ZFYVE16: variants seen among roughly 807,000 people sequenced by gnomAD.
ZFYVE16 encodes the protein zinc finger FYVE-type containing 16.
Under a neutral mutation model 138.1 loss-of-function variants are expected in ZFYVE16, and 89 were observed. The observed-to-expected ratio is 0.64, with a 90% CI of 0.54 to 0.77. ZFYVE16 has a LOEUF of 0.77. Ranked by LOEUF, ZFYVE16 falls within the 30% of genes least tolerant of loss-of-function variation. The pLI is 0.00. For missense variants in ZFYVE16, 1,793 were observed against 1,786.7 expected, an observed-to-expected ratio of 1.00 and a Z score of -0.06; for synonymous variants, 596 against 618.3, an observed-to-expected ratio of 0.96 and a Z score of 0.53.
chr5:80,434,032 G>A, intron 2 of ZFYVE16, 77 bp from the exon 3 acceptor site: 1 of 958,152 alleles, frequency 1.0e-6, no homozygotes, highest in Middle Eastern at 3.4e-4. Flanking sequence ...TCTTGACTGT[G>A]TTTCCTGGCA....
chr5:80,426,694 C>CT (rs1430285528), intron 1 of ZFYVE16, among the ~76,000 whole-genome samples: 1 of 152,172 alleles, frequency 6.6e-6, no homozygotes, highest in Non-Finnish European at 1.5e-5. Context: ...TTTATCCAGT[C>CT]TATCATTGAT....
chr5:80,428,952 T>C (rs1265776877), intron 2 of ZFYVE16, among the ~76,000 whole-genome samples: 1 of 152,120 alleles, frequency 6.6e-6, no homozygotes, highest in Non-Finnish European at 1.5e-5. Context: ...AACATGGGAC[T>C]GTGTGAAAAG....
At position 80,445,409 on chromosome 5, in the gene ZFYVE16, A is replaced by AG. The variant is rs769081033; in HGVS notation, c.2724+6dup. The AG allele has an allele frequency of 6.2e-7, 1 of 1,608,388 alleles. No homozygotes were observed. The highest frequency in any genetic ancestry group is 1.1e-5 in the South Asian group (1 of 89,674). On this transcript the variant is annotated splice_donor_region_variant and intron_variant, in intron 7 of 18. Coordinates refer to ENST00000505560, the MANE Select transcript of ZFYVE16 (RefSeq NM_001284236.3). ...TCTCTCACCTGATGTGCCTATGGTA[A>AG]GGAATTCAAAGAATAACTTAATTGA... is the stretch of plus-strand genomic sequence containing the variant.
At chr5:80,474,972 C>T in intron 18 of ZFYVE16, 142 bp downstream of exon 18, 1 of 881,494 alleles carries the variant, frequency 1.1e-6, no homozygotes, top group South Asian at 2.1e-5. Context: ...CATATATTAT[C>T]TGTATTAGTC....
chr5:80,463,908 A>G (rs1753406137), intron 15 of ZFYVE16, among the ~76,000 whole-genome samples: 1 of 152,182 alleles, frequency 6.6e-6, no homozygotes, highest in South Asian at 2.1e-4. Context: ...AAAGCATAGC[A>G]ACAGTCACCT....
At chr5:80,436,441 C>A (rs910786920) in intron 3 of ZFYVE16, among the ~76,000 whole-genome samples, 6 of 152,102 alleles carry the variant, frequency 3.9e-5, no homozygotes, top group Non-Finnish European at 5.9e-5. Flanking sequence ...ATTTCTTGAA[C>A]ACTTAAGTTT....
At position 80,437,156 on chromosome 5, in the gene ZFYVE16, T is replaced by C. The variant is rs547477838; in HGVS notation, c.471T>C (p.Asn157=). ...KKLLPDDFKS[N]ADSLIGLDLS... ...TATTGCCAGATGATTTTAAGTCTAATGCAGATTCCTTGATTGGATTGGATT... is the reference window on the plus strand; with the variant it reads ...TATTGCCAGATGATTTTAAGTCTAACGCAGATTCCTTGATTGGATTGGATT... The change falls in exon 4 of 19, where the codon AAT becomes AAC. Residue 157 remains asparagine, a synonymous_variant. Transcript: ENST00000505560. The C allele has an allele frequency of 3.1e-6, 5 of 1,614,042 alleles. No homozygotes were observed. Among genetic ancestry groups the C allele is most frequent in the South Asian group, 1.1e-5 (1 of 91,078 alleles).
At chr5:80,465,400 G>GTTTTTTTTTGT (rs1753600981) in intron 15 of ZFYVE16, among the ~76,000 whole-genome samples, 2 of 26,780 alleles carry the variant, frequency 7.5e-5, no homozygotes, top group Non-Finnish European at 1.5e-4. Context: ...CCTTTTCTTT[G>GTTTTTTTTTGT]TTTTTTTTTT....
At position 80,450,569 on chromosome 5, in the gene ZFYVE16, A is replaced by G. The variant is rs1475056505; in HGVS notation, c.3365A>G (p.Tyr1122Cys). Residue 1122 changes from tyrosine to cysteine, a missense_variant, in exon 10 of 19, where the codon TAT (tyrosine) becomes TGT (cysteine). By Grantham distance (194) the Tyr-to-Cys change is radical. Around this residue, in one of 2 missense-constraint regions of ZFYVE16, gnomAD observed 498 missense variants for 582.4 expected, o/e 0.86. Transcript: ENST00000505560. ...ATCTTCAGACTATTTATCACCATAT[A>G]TAAGGATGCTCTAAAAGGTATGGCA... ...KDIFRLFITI[Y>C]KDALKGKYIE... The G allele has an allele frequency of 6.2e-7, 1 of 1,613,242 alleles. No homozygotes were observed. The highest frequency in any genetic ancestry group is 8.5e-7 in the Non-Finnish European group (1 of 1,179,674).
rs1386983622 is a variant in ZFYVE16, at chr5:80,482,261, G to A, written c.*4884G>A. The A allele has an allele frequency of 6.6e-6, 1 of 152,190 alleles. No individual in the cohort carries two copies. The highest frequency in any genetic ancestry group is 2.4e-5 in the African/African-American group (1 of 41,440). 9.4% of individuals were successfully genotyped at this position (152,190 alleles called of 1,614,324 possible). A position where few individuals can be genotyped will look rare whatever the true frequency, so the allele number is the denominator to read the frequency against. On this transcript the variant is annotated 3_prime_UTR_variant, in exon 19 of 19. Coordinates refer to ENST00000505560, the MANE Select transcript of ZFYVE16 (RefSeq NM_001284236.3). ...TAAAAAGAAACAAGTGGAAATTGTA[G>A]AACTGAAAATACAATAACAAAATTT...
intron 3 of ZFYVE16, among the ~76,000 whole-genome samples, chr5:80,435,420 C>T (rs893907981): frequency 6.6e-6 from 1 of 152,224 alleles, no homozygotes; most frequent in Non-Finnish European, 1.5e-5. Context: ...CCGCCTGTCT[C>T]AGCCTCCCAA....
chr5:80,438,099 G>A lies in ZFYVE16; in HGVS notation c.1414G>A (p.Asp472Asn), dbSNP rs775504568. Residue 472 changes from aspartate (D) to asparagine (N), a missense_variant, in exon 4 of 19, where the codon GAC becomes AAC. Physicochemically the swap from Asp to Asn is conservative, Grantham distance 23 (BLOSUM62 1). Coordinates refer to ENST00000505560, the MANE Select transcript of ZFYVE16 (RefSeq NM_001284236.3). ...CAGAGCTGAGTCTTTGGATGGTGGT[G>A]ACACCAGTTCTACAGTTGTAGAATC... is the stretch of plus-strand genomic sequence containing the variant. ...VIRAESLDGGDTSSTVVESQE... is the reference protein window; with the variant it reads ...VIRAESLDGGNTSSTVVESQE... The A allele has an allele frequency of 4.3e-6, 7 of 1,614,090 alleles. No homozygotes were observed. In the South Asian group the frequency reaches 6.6e-5, roughly 15 times the overall value.
rs1320783515 is a variant in ZFYVE16, at chr5:80,409,880, C to G, written c.-94+1727C>G. On this transcript the variant is annotated intron_variant, in intron 1 of 18. Coordinates refer to ENST00000505560, the MANE Select transcript of ZFYVE16 (RefSeq NM_001284236.3). ...TTTAAAATTTTACACTGTTACAACC[C>G]TTGCAACAGTGAAAGTTCTTTGTGA... 5 of 152,284 alleles carry G rather than the reference C, an allele frequency of 3.3e-5. No individual in the cohort carries two copies. The South Asian group carries it at 6.2e-4, about 19-fold the overall frequency. The allele number at this position is 152,284 out of a possible 1,614,324, so 9.4% of individuals were successfully genotyped here. A position where few individuals can be genotyped will look rare whatever the true frequency, so the allele number is the denominator to read the frequency against.
chr5:80,438,327 A>T lies in ZFYVE16; in HGVS notation c.1642A>T (p.Lys548Ter). Reference sequence around the variant, plus strand: ...ACAGTATCTTCAGACCACTAACATAAAGTCTTTTGAAGAAAATGTAAATGA... The same window carrying T: ...ACAGTATCTTCAGACCACTAACATATAGTCTTTTGAAGAAAATGTAAATGA... ...TEQYLQTTNI[K>*]SFEENVNDSK... Residue 548 changes from lysine (K) to a stop codon, truncating the protein, a stop_gained, in exon 4 of 19, where the codon AAG becomes TAG. Coordinates refer to ENST00000505560, the MANE Select transcript of ZFYVE16 (RefSeq NM_001284236.3). LOFTEE classifies it high-confidence loss of function. 1 of 1,613,660 alleles carries T rather than the reference A, an allele frequency of 6.2e-7. No homozygotes were observed. Among genetic ancestry groups the T allele is most frequent in the Non-Finnish European group, 8.5e-7 (1 of 1,179,860 alleles).
intron 16 of ZFYVE16, 24 bp from the exon 17 acceptor site, chr5:80,473,730 A>G (rs752640321): frequency 3.3e-6 from 5 of 1,504,482 alleles, no homozygotes; most frequent in Admixed American, 3.7e-5. Context: ...TAATAATTCT[A>G]TTGTATTATG....
At chr5:80,436,480 AAGTC>A (rs1342173121) in intron 3 of ZFYVE16, among the ~76,000 whole-genome samples, 4 of 152,328 alleles carry the variant, frequency 2.6e-5, no homozygotes, top group South Asian at 2.1e-4. Context: ...ATAGGGGTGT[AAGTC>A]AGAAAAAAAA....
rs1210316454 is a variant in ZFYVE16, at chr5:80,436,761, C to A, written c.76C>A (p.Gln26Lys). ...ACACTGTTTCTCTATTTCAGATGAA[C>A]AAGATTATCTCCAAGATGTACAAAA... is the stretch of plus-strand genomic sequence containing the variant. ...LDDFEQNPDE[Q>K]DYLQDVQNAY... Residue 26 changes from glutamine (Q) to lysine (K), a missense_variant, in exon 4 of 19, where the codon CAA becomes AAA. This residue lies in a region of ZFYVE16 where 1,295 missense variants were observed against 1,204.3 expected (regional missense o/e 1.08). Transcript: ENST00000505560. 2.5e-6 allele frequency: 4 copies of A among 1,604,490 alleles called. No homozygotes were observed. Among genetic ancestry groups the A allele is most frequent in the Non-Finnish European group, 3.4e-6 (4 of 1,174,742 alleles).
intron 1 of ZFYVE16, among the ~76,000 whole-genome samples, chr5:80,427,181 G>A (rs1017533531): frequency 3.9e-5 from 6 of 151,920 alleles, no homozygotes; most frequent in South Asian, 2.1e-4. Context: ...CACTGCGCCC[G>A]GCCACACATA....
At position 80,421,835 on chromosome 5, in the gene ZFYVE16, A is replaced by G. The variant is rs554387434; in HGVS notation, c.-93-5657A>G. On this transcript the variant is annotated intron_variant, in intron 1 of 18. Coordinates refer to ENST00000505560, the MANE Select transcript of ZFYVE16 (RefSeq NM_001284236.3). ...AGTTTTTTTCCAGTTCTGTGAAGAAAGTCATTGGTAGCTTGATGGGGATGG... is the reference window on the plus strand; with the variant it reads ...AGTTTTTTTCCAGTTCTGTGAAGAAGGTCATTGGTAGCTTGATGGGGATGG... Among the ~76,000 whole-genome samples, 7 of 152,274 alleles carry G rather than the reference A, an allele frequency of 4.6e-5. No individual in the cohort carries two copies. In the East Asian group the frequency reaches 1.4e-3, roughly 29 times the overall value.
Sources: allele counts gnomAD v4.1 joint callset (sites outside exome capture counted in the v4.1 genomes callset), GRCh38; gene constraint gnomAD v4.1.1; regional missense constraint gnomAD v4.1.1; transcripts MANE v1.5; gene names NCBI Gene and HGNC (gene_info 2026-07-23, HGNC 2026-07-21).